The following CELF5 variants were observed in gnomAD, a reference collection of about 807,000 sequenced individuals.
CELF5 encodes CUG-BP and ETR-3 like factor 5.
CELF5 carries 6 observed loss-of-function variants against 54.9 expected under a neutral mutation model. That is an observed-to-expected ratio of 0.11 (90% CI 0.06 to 0.22). CELF5 has a LOEUF of 0.22. Ranked by LOEUF, CELF5 falls within the 10% of genes least tolerant of loss-of-function variation. The pLI is 1.00. For missense variants in CELF5, 401 were observed against 678.6 expected (o/e 0.59, Z 4.54); for synonymous variants, 271 against 290.9 (o/e 0.93, Z 0.70).
At chr19:3,267,213 C>T (rs1262042838) in intron 2 of CELF5, among the ~76,000 whole-genome samples, 1 of 152,136 alleles carries the variant, frequency 6.6e-6, no homozygotes, top group South Asian at 2.1e-4. Context: ...CTTCTACCCC[C>T]TCATCCTGGC....
intron 10 of CELF5, among the ~76,000 whole-genome samples, chr19:3,287,034 C>CAAAAAA (rs55661552): frequency 5.8e-5 from 6 of 103,514 alleles, no homozygotes; most frequent in Admixed American, 1.1e-4. Flanking sequence ...GACTCCGTCT[C>CAAAAAA]AAAAAAAAAA....
rs201002947 is a variant in CELF5, at chr19:3,256,617, G to A, written c.342+5550G>A. Among the ~76,000 whole-genome samples, 4 of 151,436 alleles carry A rather than the reference G, an allele frequency of 2.6e-5. No homozygotes were observed. The East Asian group carries it at 7.8e-4, about 29-fold the overall frequency. ...GGAGCCTAACTCTGTCGCCCAGGCT[G>A]GAGTGCAGTGGCGCGATCTCGGCTC... On this transcript the variant is annotated intron_variant, in intron 2 of 12. Transcript: ENST00000292672.
intron 1 of CELF5, among the ~76,000 whole-genome samples, chr19:3,242,404 C>T (rs2079503487): frequency 1.3e-5 from 2 of 152,074 alleles, no homozygotes; most frequent in African/African-American, 4.8e-5. Context: ...GGTGCAGTGA[C>T]TCATGCCTGT....
chr19:3,273,411 T>C (rs968675183), intron 2 of CELF5, among the ~76,000 whole-genome samples: 3 of 151,886 alleles, frequency 2.0e-5, no homozygotes, highest in Admixed American at 6.6e-5. Flanking sequence ...CACCTGGCAG[T>C]CTCAGAGTTC....
chr19:3,252,047 C>G (rs1459494525), intron 2 of CELF5, among the ~76,000 whole-genome samples: 2 of 151,674 alleles, frequency 1.3e-5, no homozygotes, highest in South Asian at 2.1e-4. Flanking sequence ...TGATGAGTCT[C>G]TCCTTATTTT....
In CELF5 at chr19:3,285,940, AGCCATGTACCCCACCGCG is replaced by A; in HGVS notation, c.1107_1124del (p.Met369_Ala374del). 1 of 1,565,080 alleles carries A rather than the reference AGCCATGTACCCCACCGCG, an allele frequency of 6.4e-7. No homozygotes were observed. The highest frequency in any genetic ancestry group is 8.6e-7 in the Non-Finnish European group (1 of 1,163,170). On this transcript the variant is annotated splice_acceptor_variant and coding_sequence_variant, in exon 10 of 13. Transcript: ENST00000292672. LOFTEE classifies it high-confidence loss of function. The stretch of plus-strand genomic sequence containing the variant: ...CCCTGTGTCTCGCTCCGGTCTCCGC[AGCCATGTACCCCACCGCG>A]GCCATCACGCCCATCGCGCACAGCG...
chr19:3,234,958 C>T (rs73517132), intron 1 of CELF5, among the ~76,000 whole-genome samples: 8 of 152,048 alleles, frequency 5.3e-5, no homozygotes, highest in African/African-American at 7.2e-5. Flanking sequence ...AGTCAGGACC[C>T]GTCCCTCCTC....
rs897335861 is a variant in CELF5 at position 3,246,085 on chromosome 19, C to G, written c.260-4900C>G. On this transcript the variant is annotated intron_variant, in intron 1 of 12. Coordinates refer to ENST00000292672, the MANE Select transcript of CELF5 (RefSeq NM_021938.4). ...TTGCATTAAAATATACGGACAAGGCCGGGTGCGGTGGCTTACGCCTATAAT... is the reference window on the plus strand; with the variant it reads ...TTGCATTAAAATATACGGACAAGGCGGGGTGCGGTGGCTTACGCCTATAAT... Among the ~76,000 whole-genome samples, 159 of 152,138 alleles carry G rather than the reference C, an allele frequency of 1.0e-3. 5 individuals are homozygous for G. The highest frequency in any genetic ancestry group is 1.8e-4 in the Non-Finnish European group (12 of 68,030).
rs189762115 is a variant in CELF5 at position 3,247,760 on chromosome 19, T to A, written c.260-3225T>A. Among the ~76,000 whole-genome samples, 400 of 152,168 alleles carry A rather than the reference T, an allele frequency of 2.6e-3. 4 individuals carry two copies. The highest frequency in any genetic ancestry group is 5.2e-3 in the South Asian group (25 of 4,822). ...ATATGCATAATATGAAATGTACCGT[T>A]AAAAAATTTTTTTTTAATTGAGAAA... On this transcript the variant is annotated intron_variant, in intron 1 of 12. Coordinates refer to ENST00000292672, the MANE Select transcript of CELF5 (RefSeq NM_021938.4).
intron 12 of CELF5, chr19:3,294,799 CAG>C (rs2080408467): frequency 6.6e-6 from 1 of 152,244 alleles, no homozygotes; most frequent in Non-Finnish European, 1.5e-5. Flanking sequence ...AGAAAATAAA[CAG>C]AAATATCTGT....
chr19:3,244,314 G>A (rs1200453734), intron 1 of CELF5, among the ~76,000 whole-genome samples: 4 of 151,906 alleles, frequency 2.6e-5, no homozygotes, highest in Admixed American at 6.6e-5. Context: ...GTGTGTGTGC[G>A]TAGTGTATAT....
chr19:3,282,623 C>G lies in CELF5; in HGVS notation c.1039+125C>G, dbSNP rs890408442. On this transcript the variant is annotated intron_variant, in intron 8 of 12. Coordinates refer to ENST00000292672, the MANE Select transcript of CELF5 (RefSeq NM_021938.4). This position sits in a 1 kb window ranked among gnomAD's most constrained non-coding sequence, Gnocchi z 5.2. The stretch of plus-strand genomic sequence containing the variant: ...CAGAAGGGCAGGAAAAAGGGTGTCT[C>G]CGCTGAGCAGATAAGAGCTGTGGAC... 7.3e-6 allele frequency: 8 copies of G among 1,101,896 alleles called. No homozygotes were observed. Among genetic ancestry groups the G allele is most frequent in the Non-Finnish European group, 1.0e-5 (8 of 779,570 alleles). The allele number at this position is 1,101,896 out of a possible 1,614,324, so 68.3% of individuals were successfully genotyped here.
rs561690147 is a variant in CELF5 at position 3,229,566 on chromosome 19, C to T, written c.259+4568C>T. 1.2e-4 allele frequency among the ~76,000 whole-genome samples: 19 copies of T among 152,302 alleles called. No homozygotes were observed. In the South Asian group the frequency reaches 3.7e-3, roughly 30 times the overall value. On this transcript the variant is annotated intron_variant, in intron 1 of 12. Transcript: ENST00000292672. ...TTGGAGATGAGATGAGTCTGGTTTC[C>T]CTGCGTCTTGTGGCCTTGGGCAGAT...
chr19:3,245,218 GGT>G (rs1406837152), intron 1 of CELF5, among the ~76,000 whole-genome samples: 4 of 144,546 alleles, frequency 2.8e-5, no homozygotes, highest in Admixed American at 7.0e-5. Flanking sequence ...TGCATGTGTG[GGT>G]GTGTGATGTG....
intron 11 of CELF5, among the ~76,000 whole-genome samples, chr19:3,291,373 G>T (rs965633990): frequency 6.6e-6 from 1 of 151,908 alleles, no homozygotes; most frequent in Non-Finnish European, 1.5e-5. Context: ...AGACATCCTG[G>T]CTAACACAGT....
chr19:3,280,559 G>A (rs2080132410), intron 5 of CELF5, among the ~76,000 whole-genome samples: 1 of 152,114 alleles, frequency 6.6e-6, no homozygotes, highest in Non-Finnish European at 1.5e-5. Context: ...TGGGCAACAA[G>A]AGCGAAACTC....
intron 2 of CELF5, among the ~76,000 whole-genome samples, chr19:3,254,133 C>G (rs996995869): frequency 4.6e-5 from 7 of 152,158 alleles, no homozygotes; most frequent in African/African-American, 1.7e-4. Context: ...TGTCCTGGAT[C>G]TGAGTCCACT....
At chr19:3,271,270 C>A (rs1006552047) in intron 2 of CELF5, among the ~76,000 whole-genome samples, 1 of 152,044 alleles carries the variant, frequency 6.6e-6, no homozygotes, top group Non-Finnish European at 1.5e-5. Context: ...TGGCACCCCC[C>A]CGCTTCCAGC....
chr19:3,287,046 AAAAAAAAG>A (rs1257666460), intron 10 of CELF5, among the ~76,000 whole-genome samples: 1 of 148,350 alleles, frequency 6.7e-6, no homozygotes, highest in Non-Finnish European at 1.5e-5. Flanking sequence ...AAAAAAAAAA[AAAAAAAAG>A]AAAAGAAAAG....
Sources: gnomAD v4.1 joint callset for allele counts (sites outside exome capture counted in the v4.1 genomes callset) on GRCh38, gnomAD v4.1.1 for gene constraint, Gnocchi (gnomAD v3.1) non-coding constraint, MANE v1.5 for transcripts, NCBI Gene and HGNC (gene_info 2026-07-23, HGNC 2026-07-21) for gene names.